Variants in BBS9 observed in about 807,000 individuals in gnomAD.
BBS9 encodes protein PTHB1.
BBS9 carries 89 observed loss-of-function variants against 117.7 expected under a neutral mutation model. The ratio of observed to expected loss-of-function variants is 0.76; its 90% CI spans 0.64 to 0.90. The LOEUF is 0.90. Ranked by LOEUF, BBS9 falls within the 40% of genes least tolerant of loss-of-function variation. The pLI is 0.00. For synonymous variants in BBS9, 379 were observed against 370.9 expected, an observed-to-expected ratio of 1.02 and a Z score of -0.25; for missense variants, 982 against 1,042.2, an observed-to-expected ratio of 0.94 and a Z score of 0.80.
At chr7:33,494,486 A>G (rs1264998947) in intron 19 of BBS9, among the ~76,000 whole-genome samples, 1 of 152,218 alleles carries the variant, frequency 6.6e-6, no homozygotes, top group Non-Finnish European at 1.5e-5. Flanking sequence ...AATATAATAC[A>G]TGTGGAAGGT....
chr7:33,417,093 C>T (rs1832132909), intron 19 of BBS9, among the ~76,000 whole-genome samples: 3 of 152,182 alleles, frequency 2.0e-5, no homozygotes, highest in Admixed American at 2.0e-4. Context: ...ACAATAGACA[C>T]TACGTTTTAA....
chr7:33,139,784 A>T (rs1791147931), intron 1 of BBS9, among the ~76,000 whole-genome samples: 1 of 152,126 alleles, frequency 6.6e-6, no homozygotes, highest in Non-Finnish European at 1.5e-5. Flanking sequence ...CTGATGCAGG[A>T]GTGAGCAGAG....
rs7806106 is a variant in BBS9, at chr7:33,460,628, T to C, written c.2116-44835T>C. Among the ~76,000 whole-genome samples, 564 of 152,102 alleles carry C rather than the reference T, an allele frequency of 3.7e-3. 4 individuals are homozygous for C. Among genetic ancestry groups the C allele is most frequent in the African/African-American group, 0.013 (531 of 41,542 alleles). On this transcript the variant is annotated intron_variant, in intron 19 of 22. Transcript: ENST00000242067. ...TTTCACATTCAGAGTCTATTTGGGA[T>C]CACTTTTAAACATAGAATTGTCAAT...
At chr7:33,448,650 C>A (rs1419923) in intron 19 of BBS9, among the ~76,000 whole-genome samples, 26,337 of 152,150 alleles carry the variant, frequency 0.17, 2,513 homozygotes, top group South Asian at 0.21. Context: ...TTATGCTAAA[C>A]CAACAACAAG....
chr7:33,411,283 T>G (rs1385030079), intron 19 of BBS9, among the ~76,000 whole-genome samples: 1 of 152,168 alleles, frequency 6.6e-6, no homozygotes, highest in African/African-American at 2.4e-5. Context: ...AAACTAATTT[T>G]TCTTGATTGT....
At chr7:33,522,027 G>C (rs1452608090) in intron 20 of BBS9, among the ~76,000 whole-genome samples, 1 of 151,406 alleles carries the variant, frequency 6.6e-6, no homozygotes, top group East Asian at 2.0e-4. Flanking sequence ...ATAGTTTACT[G>C]AGAATGATGA....
intron 20 of BBS9, among the ~76,000 whole-genome samples, chr7:33,529,318 C>T (rs747412769): frequency 1.3e-5 from 2 of 152,112 alleles, no homozygotes; most frequent in Non-Finnish European, 2.9e-5. Flanking sequence ...GCCTCGGCCC[C>T]TGAGTCCGGT....
chr7:33,503,547 A>G (rs77768349), intron 19 of BBS9, among the ~76,000 whole-genome samples: 1 of 111,056 alleles, frequency 9.0e-6, no homozygotes, highest in Non-Finnish European at 1.9e-5. Context: ...TGATTTTCCT[A>G]TTACAAACTC....
chr7:33,445,131 G>T (rs1836800167), intron 19 of BBS9, among the ~76,000 whole-genome samples: 2 of 152,168 alleles, frequency 1.3e-5, no homozygotes. Context: ...TTTAAATTTT[G>T]ATGGAACCGG....
chr7:33,242,622 G>A (rs954622353), intron 5 of BBS9, among the ~76,000 whole-genome samples: 1 of 151,676 alleles, frequency 6.6e-6, no homozygotes, highest in African/African-American at 2.4e-5. Flanking sequence ...TGAGAATCAG[G>A]GTCTTATATG....
intron 12 of BBS9, among the ~76,000 whole-genome samples, chr7:33,345,411 G>C (rs1817411161): frequency 1.3e-5 from 2 of 152,176 alleles, no homozygotes; most frequent in South Asian, 4.1e-4. Context: ...CTTGGATGGG[G>C]CTTTATATTT....
chr7:33,332,831 G>GT (rs1238984934), intron 9 of BBS9, among the ~76,000 whole-genome samples: 3 of 152,030 alleles, frequency 2.0e-5, no homozygotes, highest in Non-Finnish European at 4.4e-5. Flanking sequence ...GGTGCTATGT[G>GT]TTTTTTTAAA....
chr7:33,226,720 G>T (rs1791351298), intron 5 of BBS9, among the ~76,000 whole-genome samples: 1 of 152,168 alleles, frequency 6.6e-6, no homozygotes, highest in Non-Finnish European at 1.5e-5. Context: ...AAAGAATGGA[G>T]TACTGATATA....
chr7:33,180,190 A>G (rs1170754254), intron 5 of BBS9, among the ~76,000 whole-genome samples: 1 of 152,158 alleles, frequency 6.6e-6, no homozygotes, highest in African/African-American at 2.4e-5. Flanking sequence ...GCCAATCAGA[A>G]TTAGCTTAGA....
chr7:33,148,580 C>T (rs958567305), intron 2 of BBS9, among the ~76,000 whole-genome samples: 4 of 151,726 alleles, frequency 2.6e-5, no homozygotes, highest in African/African-American at 7.3e-5. Flanking sequence ...CCAGGCTGGT[C>T]GCGAACTCCT....
chr7:33,617,237 G>A (rs548729452), intron 21 of BBS9, among the ~76,000 whole-genome samples: 35 of 152,074 alleles, frequency 2.3e-4, no homozygotes, highest in Admixed American at 3.9e-4. Context: ...TTGTCAACGA[G>A]AAATTCATTT....
chr7:33,321,365 AT>A (rs1811675691), intron 9 of BBS9, among the ~76,000 whole-genome samples: 1 of 152,092 alleles, frequency 6.6e-6, no homozygotes, highest in Non-Finnish European at 1.5e-5. Flanking sequence ...ATTCATGAAC[AT>A]GGAATATCTT....
chr7:33,137,399 G>T (rs770796646), intron 1 of BBS9, among the ~76,000 whole-genome samples: 6 of 152,176 alleles, frequency 3.9e-5, no homozygotes, highest in Non-Finnish European at 7.4e-5. Context: ...GGAGCGCAGG[G>T]CTCCTGGCCC....
chr7:33,302,133 T>C (rs1806603735), intron 9 of BBS9, among the ~76,000 whole-genome samples: 1 of 152,182 alleles, frequency 6.6e-6, no homozygotes, highest in African/African-American at 2.4e-5. Context: ...TATTAGATTT[T>C]TTTCCTATGG....
Sources: gnomAD v4.1 joint callset for allele counts (sites outside exome capture counted in the v4.1 genomes callset) on GRCh38, gnomAD v4.1.1 for gene constraint, MANE v1.5 for transcripts, NCBI Gene and HGNC (gene_info 2026-07-23, HGNC 2026-07-21) for gene names.